SGO2: variants seen among roughly 807,000 people sequenced by gnomAD.
SGO2 encodes the protein shugoshin 2.
Under a neutral mutation model 99.5 loss-of-function variants are expected in SGO2, and 68 were observed. The ratio of observed to expected loss-of-function variants is 0.68; its 90% CI spans 0.56 to 0.84. SGO2 has a LOEUF of 0.84. SGO2 is among the 40% of genes least tolerant of loss of function. The pLI, the probability that SGO2 is intolerant of heterozygous loss-of-function variation, is 0.00. For missense variants in SGO2, 1,350 were observed against 1,436.7 expected, an observed-to-expected ratio of 0.94 and a Z score of 0.97; for synonymous variants, 457 against 487.1, an observed-to-expected ratio of 0.94 and a Z score of 0.81.
chr2:200,533,231 A>T, intron 2 of SGO2, 123 bp downstream of exon 2: 1 of 1,124,450 alleles, frequency 8.9e-7, no homozygotes, highest in Non-Finnish European at 1.2e-6. Flanking sequence ...TTAACTGATA[A>T]CTTTTTAAAT....
intron 7 of SGO2, among the ~76,000 whole-genome samples, chr2:200,574,890 C>T (rs545065034): frequency 6.6e-4 from 100 of 151,440 alleles, no homozygotes; most frequent in African/African-American, 2.3e-3. Context: ...GTGTGTAGAT[C>T]CCTAAGGTTT....
Position 200,566,675 on chromosome 2 carries a change from C to T in SGO2, c.474-2988C>T, listed in dbSNP as rs994654721. The stretch of plus-strand genomic sequence containing the variant: ...CTATGCCCTCCGCCAGAGGTGGAGT[C>T]TACAGAGGCAGTCAGGCCTCCTTGA... On this transcript the variant is annotated intron_variant, in intron 5 of 8. Transcript: ENST00000357799. Among the ~76,000 whole-genome samples, 17 of 152,338 alleles carry T rather than the reference C, an allele frequency of 1.1e-4. No homozygotes were observed. In the Middle Eastern group the frequency reaches 0.01, roughly 92 times the overall value.
chr2:200,564,526 A>G (rs1012822025), intron 5 of SGO2, among the ~76,000 whole-genome samples: 7 of 152,294 alleles, frequency 4.6e-5, no homozygotes, highest in African/African-American at 1.7e-4. Flanking sequence ...GCTGAGAAAA[A>G]TATATATTCT....
intron 5 of SGO2, among the ~76,000 whole-genome samples, chr2:200,557,140 G>A (rs559674209): frequency 6.6e-6 from 1 of 152,306 alleles, no homozygotes; most frequent in Non-Finnish European, 1.5e-5. Context: ...AAAGAGAAGA[G>A]TGGTTAATGT....
chr2:200,566,847 G>A (rs1009247954), intron 5 of SGO2, among the ~76,000 whole-genome samples: 3 of 152,222 alleles, frequency 2.0e-5, no homozygotes, highest in Non-Finnish European at 2.9e-5. Flanking sequence ...GCGAGGCTCC[G>A]TGGGCGTGGG....
In SGO2 at chr2:200,569,828, T is replaced by C. The variant is rs765091288; in HGVS notation, c.639T>C (p.Asn213=). 6.2e-7 allele frequency: 1 copy of C among 1,606,398 alleles called. No homozygotes were observed. Among genetic ancestry groups the C allele is most frequent in the Non-Finnish European group, 8.5e-7 (1 of 1,173,196 alleles). ...AAGTGTTATTTCTTAAAGAAAATAATCAAAATGTATATGGTTTAGATGATT... is the reference window on the plus strand; with the variant it reads ...AAGTGTTATTTCTTAAAGAAAATAACCAAAATGTATATGGTTTAGATGATT... The part of the protein sequence containing the change: ...NSEVLFLKEN[N]QNVYGLDDSE... The change falls in exon 6 of 9, where the codon AAT becomes AAC. Residue 213 remains asparagine (N), a synonymous_variant. Transcript: ENST00000357799.
chr2:200,581,960 A>G (rs1007238055), intron 8 of SGO2, among the ~76,000 whole-genome samples: 1 of 152,186 alleles, frequency 6.6e-6, no homozygotes, highest in Non-Finnish European at 1.5e-5. Flanking sequence ...CGAAGGAGTG[A>G]AAGAGACCTT....
chr2:200,535,878 G>T (rs563561951), intron 3 of SGO2, among the ~76,000 whole-genome samples, 187 bp from the exon 4 acceptor site: 2 of 152,026 alleles, frequency 1.3e-5, no homozygotes, highest in South Asian at 4.1e-4. Flanking sequence ...TGACTATTTG[G>T]ACTATATAAT....
intron 8 of SGO2, among the ~76,000 whole-genome samples, chr2:200,582,499 G>C (rs771520721): frequency 3.3e-5 from 5 of 151,828 alleles, no homozygotes; most frequent in Non-Finnish European, 5.9e-5. Context: ...GAATTAAGGA[G>C]GAAAAAAATC....
rs1021498099 is a variant in SGO2 at position 200,572,327 on chromosome 2, A to G, written c.1981A>G (p.Ile661Val). The change falls in exon 7 of 9, where the codon ATA becomes GTA. Residue 661 changes from isoleucine (I) to valine (V), a missense_variant. Transcript: ENST00000357799. ...QEDKEPISENIEVSKELQIPA... is the reference protein window; with the variant it reads ...QEDKEPISENVEVSKELQIPA... Reference sequence around the variant, plus strand: ...GGATAAAGAACCTATCTCTGAAAACATAGAAGTTTCCAAAGAGCTTCAAAT... The same window carrying G: ...GGATAAAGAACCTATCTCTGAAAACGTAGAAGTTTCCAAAGAGCTTCAAAT... 47 of 1,609,666 alleles carry G rather than the reference A, an allele frequency of 2.9e-5. No individual in the cohort carries two copies. The highest frequency in any genetic ancestry group is 3.9e-5 in the Non-Finnish European group (46 of 1,178,730).
rs555313170 is a variant in SGO2, at chr2:200,569,390, A to G, written c.474-273A>G. The stretch of plus-strand genomic sequence containing the variant: ...TTTGAACTTTTTTCATTTGCTTAAT[A>G]GTAGTCTTCTAATAGCACAAGAAGT... On this transcript the variant is annotated intron_variant, in intron 5 of 8. Transcript: ENST00000357799. 6.8e-4 allele frequency among the ~76,000 whole-genome samples: 103 copies of G among 152,278 alleles called. 1 individual carries two copies. Among genetic ancestry groups the G allele is most frequent in the African/African-American group, 2.4e-3 (100 of 41,588 alleles).
At chr2:200,558,676 A>G (rs1295646757) in intron 5 of SGO2, among the ~76,000 whole-genome samples, 1 of 149,884 alleles carries the variant, frequency 6.7e-6, no homozygotes, top group Non-Finnish European at 1.5e-5. Flanking sequence ...GTCACTGTAA[A>G]TGAATTAAGT....
chr2:200,571,684 A>G lies in SGO2; in HGVS notation c.1338A>G (p.Glu446=), dbSNP rs943064293. 1 of 1,613,676 alleles carries G rather than the reference A, an allele frequency of 6.2e-7. No homozygotes were observed. The highest frequency in any genetic ancestry group is 1.3e-5 in the African/African-American group (1 of 74,908). ...TCCTGGATGGCAAAAGGGGTGCAGA[A>G]GATCCCGGTTTTATTTTCAATAATG... The part of the protein sequence containing the change: ...SDVLDGKRGA[E]DPGFIFNNEQ... Residue 446 remains glutamate, a synonymous_variant, in exon 7 of 9, where the codon GAA becomes GAG. Coordinates refer to ENST00000357799, the MANE Select transcript of SGO2 (RefSeq NM_152524.6).
At chr2:200,542,541 G>A in intron 4 of SGO2, 38 bp from the exon 5 acceptor site, 1 of 1,510,568 alleles carries the variant, frequency 6.6e-7, no homozygotes, top group Non-Finnish European at 9.1e-7. Flanking sequence ...ATTTAATAAG[G>A]TTAGAAACTT....
chr2:200,572,177 A>G lies in SGO2; in HGVS notation c.1831A>G (p.Lys611Glu), dbSNP rs2033453418. The change falls in exon 7 of 9, where the codon AAG (lysine) becomes GAG (glutamate). Residue 611 changes from lysine (K) to glutamate (E), a missense_variant. Physicochemically the swap from Lys to Glu is moderately conservative, Grantham distance 56. Transcript: ENST00000357799. ...PSEQNESNINKLRKKVNRKTE... is the reference protein window; with the variant it reads ...PSEQNESNINELRKKVNRKTE... ...AGAGCAAAATGAATCAAACATTAAT[A>G]AGCTTAGAAAGAAAGTAAACCGGAA... The G allele has an allele frequency of 6.2e-7, 1 of 1,612,364 alleles. No homozygotes were observed. The highest frequency in any genetic ancestry group is 1.3e-5 in the African/African-American group (1 of 74,838).
intron 5 of SGO2, among the ~76,000 whole-genome samples, chr2:200,552,837 A>G (rs947116153): frequency 2.0e-5 from 3 of 152,092 alleles, no homozygotes; most frequent in Admixed American, 6.6e-5. Context: ...TCCATTGACT[A>G]AGAATGCCTT....
chr2:200,553,316 T>A (rs948954588), intron 5 of SGO2, among the ~76,000 whole-genome samples: 1 of 152,246 alleles, frequency 6.6e-6, no homozygotes, highest in Non-Finnish European at 1.5e-5. Flanking sequence ...TTCCATGAAC[T>A]GGGCAATTGT....
Position 200,553,780 on chromosome 2 carries a change from G to A in SGO2, c.473+11116G>A, listed in dbSNP as rs181864488. 2.8e-3 allele frequency among the ~76,000 whole-genome samples: 419 copies of A among 152,220 alleles called. 2 individuals are homozygous for A. The highest frequency in any genetic ancestry group is 9.5e-3 in the African/African-American group (395 of 41,548). The stretch of plus-strand genomic sequence containing the variant: ...CTTTTTTAAAGCCGAGCCCAGCCAT[G>A]GGTTTGTACCCTCCGATACCTATAA... On this transcript the variant is annotated intron_variant, in intron 5 of 8. Coordinates refer to ENST00000357799, the MANE Select transcript of SGO2 (RefSeq NM_152524.6).
intron 8 of SGO2, among the ~76,000 whole-genome samples, chr2:200,582,947 C>T (rs2106356840): frequency 6.6e-6 from 1 of 152,086 alleles, no homozygotes; most frequent in South Asian, 2.1e-4. Context: ...AAACAATATA[C>T]TTTGTGGGAG....
Sources: gnomAD v4.1 joint callset for allele counts (sites outside exome capture counted in the v4.1 genomes callset) on GRCh38, gnomAD v4.1.1 for gene constraint, MANE v1.5 for transcripts, NCBI Gene and HGNC (gene_info 2026-07-23, HGNC 2026-07-21) for gene names.